DENND1A: variants seen among roughly 807,000 people sequenced by gnomAD.
The protein encoded by DENND1A is DENN domain-containing protein 1A.
Under a neutral mutation model 113.7 loss-of-function variants are expected in DENND1A, and 51 were observed. The ratio of observed to expected loss-of-function variants is 0.45; its 90% CI spans 0.36 to 0.57. The LOEUF is 0.57. Among genes scored for constraint, DENND1A ranks in the 20% least tolerant of loss-of-function variants. The pLI, the probability that DENND1A is intolerant of heterozygous loss-of-function variation, is 0.00. For missense variants in DENND1A, 1,258 were observed against 1,395.9 expected, an observed-to-expected ratio of 0.90 and a Z score of 1.57; for synonymous variants, 565 against 570.8, an observed-to-expected ratio of 0.99 and a Z score of 0.14.
intron 2 of DENND1A, among the ~76,000 whole-genome samples, chr9:123,796,422 T>A (rs1833764135): frequency 6.6e-6 from 1 of 152,138 alleles, no homozygotes; most frequent in African/African-American, 2.4e-5. Context: ...AACAAACATG[T>A]CTAACATTTT....
At chr9:123,843,747 T>C (rs1256524375) in intron 2 of DENND1A, 1 of 153,516 alleles carries the variant, frequency 6.5e-6, no homozygotes, top group Non-Finnish European at 1.5e-5. Context: ...CAAAAATGTA[T>C]ATAATCAAAG....
intron 19 of DENND1A, among the ~76,000 whole-genome samples, chr9:123,421,793 C>T (rs2045327510): frequency 6.6e-6 from 1 of 152,200 alleles, no homozygotes; most frequent in African/African-American, 2.4e-5. Context: ...GCCAGGCCAC[C>T]ACGAGCCTCC....
intron 5 of DENND1A, among the ~76,000 whole-genome samples, chr9:123,736,212 C>G (rs930276560): frequency 6.6e-6 from 1 of 152,152 alleles, no homozygotes; most frequent in Non-Finnish European, 1.5e-5. Context: ...GAACACATGA[C>G]CTGTAAGAGC....
intron 8 of DENND1A, among the ~76,000 whole-genome samples, chr9:123,656,030 C>T (rs1434937387): frequency 3.9e-5 from 6 of 152,180 alleles, no homozygotes; most frequent in East Asian, 3.9e-4. Context: ...TGCAACATAC[C>T]GTGGTTGAGG....
At chr9:123,492,897 G>T (rs2051506463) in intron 13 of DENND1A, 1 of 152,194 alleles carries the variant, frequency 6.6e-6, no homozygotes, top group South Asian at 2.1e-4. Context: ...TGGCAGGGCT[G>T]TGTTACCCAT....
chr9:123,638,164 T>A (rs1367024880), intron 9 of DENND1A, among the ~76,000 whole-genome samples: 3 of 152,044 alleles, frequency 2.0e-5, no homozygotes, highest in African/African-American at 7.2e-5. Flanking sequence ...ATGCCAAGAT[T>A]TGACACTTTA....
At chr9:123,441,017 A>G (rs928754742) in intron 18 of DENND1A, among the ~76,000 whole-genome samples, 3 of 152,200 alleles carry the variant, frequency 2.0e-5, no homozygotes, top group African/African-American at 7.2e-5. Flanking sequence ...TTTTTTTTAA[A>G]CATTCAAAAT....
chr9:123,673,977 C>T (rs2063893669), intron 6 of DENND1A, among the ~76,000 whole-genome samples: 1 of 152,094 alleles, frequency 6.6e-6, no homozygotes, highest in Non-Finnish European at 1.5e-5. Context: ...TGCCCAACCC[C>T]TCACACAAAT....
At chr9:123,696,135 A>G (rs933437374) in intron 5 of DENND1A, among the ~76,000 whole-genome samples, 1 of 152,222 alleles carries the variant, frequency 6.6e-6, no homozygotes, top group South Asian at 2.1e-4. Flanking sequence ...ATGTTGCTAC[A>G]TTCATTTACC....
intron 11 of DENND1A, among the ~76,000 whole-genome samples, chr9:123,602,906 T>C (rs916367185): frequency 3.3e-5 from 5 of 152,336 alleles, no homozygotes; most frequent in Admixed American, 1.3e-4. Context: ...GGCTGTTTTT[T>C]AATAAAGCAA....
intron 9 of DENND1A, among the ~76,000 whole-genome samples, chr9:123,632,004 G>T (rs2061495394): frequency 6.6e-6 from 1 of 152,114 alleles, no homozygotes; most frequent in Non-Finnish European, 1.5e-5. Flanking sequence ...TGAGGACTTT[G>T]CTTCTTTTGG....
chr9:123,718,187 G>T (rs923842684), intron 5 of DENND1A, among the ~76,000 whole-genome samples: 1 of 152,204 alleles, frequency 6.6e-6, no homozygotes, highest in African/African-American at 2.4e-5. Flanking sequence ...GCTCTTTATA[G>T]CTGAAGTGTC....
intron 9 of DENND1A, among the ~76,000 whole-genome samples, chr9:123,650,496 G>A (rs2062587321): frequency 6.6e-6 from 1 of 151,968 alleles, no homozygotes; most frequent in Admixed American, 6.6e-5. Flanking sequence ...ATGCCTATTA[G>A]GCATTCTACT....
intron 2 of DENND1A, among the ~76,000 whole-genome samples, chr9:123,811,865 C>T (rs963269678): frequency 2.0e-5 from 3 of 152,068 alleles, no homozygotes; most frequent in South Asian, 4.1e-4. Context: ...GGAAAGTTGC[C>T]CTTTTTAATA....
chr9:123,470,160 G>A (rs1003026140), intron 13 of DENND1A, among the ~76,000 whole-genome samples: 5 of 152,186 alleles, frequency 3.3e-5, no homozygotes, highest in Non-Finnish European at 5.9e-5. Context: ...AGAGGTAATA[G>A]CTATGTCATG....
Position 123,926,920 on chromosome 9 carries a change from G to A in DENND1A, c.17+2969C>T, listed in dbSNP as rs1857214308. Among the ~76,000 whole-genome samples the A allele has an allele frequency of 2.6e-5, 4 of 151,154 alleles. No homozygotes were observed. The South Asian group carries it at 8.4e-4, about 32-fold the overall frequency. On this transcript the variant is annotated intron_variant, in intron 1 of 23. Transcript: ENST00000394215. ...ATTGTGACTGCAATAAACACAAGGG[G>A]CCACAGAAACACGGATGAAGGGCAC...
chr9:123,739,458 TAA>T (rs2131041405), intron 5 of DENND1A, among the ~76,000 whole-genome samples: 1 of 152,256 alleles, frequency 6.6e-6, no homozygotes, highest in South Asian at 2.1e-4. Context: ...TAAACAAAAC[TAA>T]GAGAGAAAGT....
intron 4 of DENND1A, among the ~76,000 whole-genome samples, chr9:123,766,128 C>T (rs1241698621): frequency 1.3e-5 from 2 of 152,204 alleles, no homozygotes; most frequent in Non-Finnish European, 2.9e-5. Context: ...AAGCTCTAGG[C>T]TCACTCGGGG....
chr9:123,737,660 C>T (rs901929721), intron 5 of DENND1A, among the ~76,000 whole-genome samples: 3 of 152,098 alleles, frequency 2.0e-5, no homozygotes, highest in African/African-American at 7.2e-5. Flanking sequence ...CTCCTCCCAT[C>T]CCCAAAATGA....
Sources: allele counts gnomAD v4.1 joint callset (sites outside exome capture counted in the v4.1 genomes callset), GRCh38; gene constraint gnomAD v4.1.1; transcripts MANE v1.5; gene names NCBI Gene and HGNC (gene_info 2026-07-23, HGNC 2026-07-21).